The following SLC38A6 variants were observed in gnomAD, a reference collection of about 807,000 sequenced individuals.
SLC38A6 encodes N system amino acid transporter NAT-1.
A neutral mutation model predicts 65.0 loss-of-function variants in SLC38A6; 73 were observed. That is an observed-to-expected ratio of 1.12 (90% CI 0.93 to 1.37). SLC38A6 has a LOEUF of 1.37. SLC38A6 is among the 40% of genes most tolerant of loss of function. SLC38A6 has a pLI of 0.00. For missense variants in SLC38A6, 561 were observed against 531.1 expected (o/e 1.06, Z -0.55); for synonymous variants, 183 against 178.8 (o/e 1.02, Z -0.19).
intron 3 of SLC38A6, among the ~76,000 whole-genome samples, chr14:61,001,286 C>T (rs2038693188): frequency 6.6e-6 from 1 of 152,036 alleles, no homozygotes; most frequent in Admixed American, 6.6e-5. Context: ...TGATCTGGGC[C>T]CAAAAGTAGT....
intron 15 of SLC38A6, among the ~76,000 whole-genome samples, chr14:61,075,231 T>A (rs192298824): frequency 6.6e-6 from 1 of 152,346 alleles, no homozygotes; most frequent in African/African-American, 2.4e-5. Context: ...TGTCTCTGTC[T>A]CCTGAAACTA....
exon 17 of SLC38A6, chr14:61,083,614 G>C (rs1367191772): frequency 6.4e-7 from 1 of 1,550,526 alleles, no homozygotes. Context: ...ACAGCAAGAA[G>C]GCAACTGTTT....
At chr14:61,077,462 A>G (rs531473487) in intron 15 of SLC38A6, among the ~76,000 whole-genome samples, 140 of 152,320 alleles carry the variant, frequency 9.2e-4, no homozygotes, top group African/African-American at 2.9e-3. Flanking sequence ...CAAATTTGCA[A>G]AATTTTTGTC....
chr14:61,043,749 A>T (rs1411752377), intron 10 of SLC38A6, among the ~76,000 whole-genome samples: 1 of 145,028 alleles, frequency 6.9e-6, no homozygotes, highest in Non-Finnish European at 1.5e-5. Context: ...CCTGTTTTAA[A>T]TGGGCCTCTG....
intron 12 of SLC38A6, among the ~76,000 whole-genome samples, chr14:61,049,147 G>A (rs575724193): frequency 6.6e-5 from 10 of 152,024 alleles, no homozygotes; most frequent in African/African-American, 1.4e-4. Context: ...CTTCCAATCC[G>A]TACTCCTGCT....
chr14:61,048,213 T>C (rs935331794), intron 12 of SLC38A6: 2 of 439,464 alleles, frequency 4.6e-6, no homozygotes, highest in Non-Finnish European at 4.5e-6. Context: ...TTATAAGGGC[T>C]AGCCTCAACT....
intron 16 of SLC38A6, among the ~76,000 whole-genome samples, chr14:61,081,320 C>T (rs1281138020): frequency 9.8e-5 from 9 of 92,228 alleles, no homozygotes; most frequent in Admixed American, 5.1e-4. Context: ...TTGACCAGTG[C>T]TTTGGGTCAT....
intron 1 of SLC38A6, 175 bp from the exon 2 acceptor site, chr14:60,982,333 A>C (rs2037117256): frequency 2.7e-6 from 2 of 731,434 alleles, no homozygotes; most frequent in African/African-American, 3.5e-5. Context: ...GAGCTGCAGT[A>C]GTGGGAGGTG....
Position 60,982,658 on chromosome 14 carries a change from C to T in SLC38A6, c.236+20C>T, listed in dbSNP as rs992825315. The T allele has an allele frequency of 2.5e-6, 4 of 1,589,024 alleles. No individual in the cohort carries two copies. The Admixed American group carries it at 5.6e-5, about 22-fold the overall frequency. On this transcript the variant is annotated intron_variant, in intron 2 of 15. Transcript: ENST00000267488. Reference sequence around the variant, plus strand: ...ATTTAGGTGAGTCTTCATATTTTAGCATCAAATTTTTTTTTCCATTTTGAT... The same window carrying T: ...ATTTAGGTGAGTCTTCATATTTTAGTATCAAATTTTTTTTTCCATTTTGAT...
intron 15 of SLC38A6, among the ~76,000 whole-genome samples, chr14:61,067,256 A>T (rs2043050607): frequency 6.6e-6 from 1 of 152,188 alleles, no homozygotes; most frequent in Non-Finnish European, 1.5e-5. Context: ...TCTCAACCAG[A>T]GGAAACTCTC....
At chr14:60,986,508 C>T (rs150672602) in intron 3 of SLC38A6, among the ~76,000 whole-genome samples, 90 of 152,308 alleles carry the variant, frequency 5.9e-4, no homozygotes, top group African/African-American at 2.0e-3. Flanking sequence ...ATCCAGTGCA[C>T]GCCTTTGCTC....
At chr14:61,078,185 A>G (rs1276917546) in intron 15 of SLC38A6, among the ~76,000 whole-genome samples, 1 of 152,244 alleles carries the variant, frequency 6.6e-6, no homozygotes, top group African/African-American at 2.4e-5. Context: ...CTTGGTGAGT[A>G]ATATGAACAT....
chr14:61,013,009 G>T (rs973134407), intron 3 of SLC38A6, among the ~76,000 whole-genome samples: 1 of 152,142 alleles, frequency 6.6e-6, no homozygotes, highest in Non-Finnish European at 1.5e-5. Context: ...TTATTATTGT[G>T]TGGGAGTCTA....
chr14:61,076,439 A>G (rs1032233039), intron 15 of SLC38A6, among the ~76,000 whole-genome samples: 2 of 152,224 alleles, frequency 1.3e-5, no homozygotes, highest in Admixed American at 1.3e-4. Context: ...GCACAGTTAT[A>G]TTCCCCATTT....
intron 3 of SLC38A6, among the ~76,000 whole-genome samples, chr14:60,994,630 G>A (rs191748932): frequency 2.2e-4 from 34 of 151,964 alleles, no homozygotes; most frequent in Middle Eastern, 3.4e-3. Flanking sequence ...CTTGAACCCC[G>A]GAGGCGGAGA....
At chr14:61,008,689 A>G (rs189977311) in intron 3 of SLC38A6, among the ~76,000 whole-genome samples, 63 of 151,224 alleles carry the variant, frequency 4.2e-4, no homozygotes, top group African/African-American at 1.1e-3. Context: ...CTGTGACCAC[A>G]TTTATTAAAC....
intron 15 of SLC38A6, among the ~76,000 whole-genome samples, chr14:61,076,686 T>C (rs1329376748): frequency 1.3e-5 from 2 of 152,260 alleles, no homozygotes; most frequent in Non-Finnish European, 2.9e-5. Context: ...TTTATTCATT[T>C]AAAATGTGGC....
intron 15 of SLC38A6, among the ~76,000 whole-genome samples, chr14:61,078,430 A>G (rs1480842349): frequency 6.6e-6 from 1 of 152,198 alleles, no homozygotes; most frequent in Non-Finnish European, 1.5e-5. Context: ...CACAGATGTA[A>G]TAGCAATTTG....
chr14:61,000,195 A>G (rs548390868), intron 3 of SLC38A6, among the ~76,000 whole-genome samples: 1 of 152,362 alleles, frequency 6.6e-6, no homozygotes, highest in African/African-American at 2.4e-5. Flanking sequence ...AGCATCTGCC[A>G]TGTGCTTGAC....
Sources: allele counts gnomAD v4.1 joint callset (sites outside exome capture counted in the v4.1 genomes callset), GRCh38; gene constraint gnomAD v4.1.1; transcripts MANE v1.5; gene names NCBI Gene and HGNC (gene_info 2026-07-23, HGNC 2026-07-21).